WDSUB1: variants seen among roughly 807,000 people sequenced by gnomAD.
WDSUB1 encodes WD repeat, SAM and U-box domain-containing protein 1.
In WDSUB1, 49 loss-of-function variants were observed where a neutral mutation model predicts 53.9. That is an observed-to-expected ratio of 0.91 (90% CI 0.72 to 1.15). The LOEUF (loss-of-function observed/expected upper bound fraction) is 1.15. Ranked by LOEUF, WDSUB1 falls within the 50% of genes most tolerant of loss-of-function variation. The probability of loss-of-function intolerance (pLI) is 0.00; values close to 1 mark genes in which losing one functional copy is unlikely to be tolerated. For synonymous variants in WDSUB1, 194 were observed against 200.6 expected (o/e 0.97, Z 0.28); for missense variants, 514 against 562.0 (o/e 0.91, Z 0.86).
At chr2:159,236,543 T>C (rs1343866343) in intron 10 of WDSUB1, among the ~76,000 whole-genome samples, 4 of 152,172 alleles carry the variant, frequency 2.6e-5, no homozygotes, top group Non-Finnish European at 1.5e-5. Flanking sequence ...TGTTGGAAAG[T>C]TTGGCTGAAT....
intron 5 of WDSUB1, among the ~76,000 whole-genome samples, chr2:159,266,021 CTATT>C (rs1292823886): frequency 1.3e-5 from 2 of 152,294 alleles, no homozygotes; most frequent in African/African-American, 4.8e-5. Flanking sequence ...ACTCTTTTCA[CTATT>C]TATTTTTTCC....
At chr2:159,256,966 C>A (rs141839163) in intron 8 of WDSUB1, among the ~76,000 whole-genome samples, 1 of 152,264 alleles carries the variant, frequency 6.6e-6, no homozygotes, top group Non-Finnish European at 1.5e-5. Context: ...AGCTTTAACA[C>A]AGCCCAGCCA....
At chr2:159,274,370 C>A (rs937168631) in intron 4 of WDSUB1, among the ~76,000 whole-genome samples, 1 of 151,952 alleles carries the variant, frequency 6.6e-6, no homozygotes, top group Admixed American at 6.6e-5. Flanking sequence ...CAGGGCAAGA[C>A]CTGAGAGAGG....
chr2:159,263,834 C>T (rs2061278139), intron 5 of WDSUB1, among the ~76,000 whole-genome samples: 1 of 152,084 alleles, frequency 6.6e-6, no homozygotes, highest in Admixed American at 6.6e-5. Flanking sequence ...TAAATTATAT[C>T]TATTATTTTA....
chr2:159,276,009 G>A (rs2061533196), intron 3 of WDSUB1, among the ~76,000 whole-genome samples: 1 of 152,062 alleles, frequency 6.6e-6, no homozygotes, highest in Admixed American at 6.6e-5. Context: ...TACTTTGAGA[G>A]TGTTAAATGT....
At chr2:159,259,724 T>C in intron 6 of WDSUB1, 86 bp downstream of exon 6, 1 of 1,343,144 alleles carries the variant, frequency 7.4e-7, no homozygotes, top group Non-Finnish European at 1.0e-6. Flanking sequence ...AAAAAATATA[T>C]ACTTTTTCTA....
intron 6 of WDSUB1, 137 bp downstream of exon 6, chr2:159,259,673 G>A: frequency 1.1e-6 from 1 of 947,658 alleles, no homozygotes; most frequent in Non-Finnish European, 1.5e-6. Flanking sequence ...AACTATTTTA[G>A]CATTTGTGAA....
chr2:159,259,537 G>A (rs1342279371), intron 6 of WDSUB1, among the ~76,000 whole-genome samples: 1 of 152,308 alleles, frequency 6.6e-6, no homozygotes, highest in East Asian at 1.9e-4. Context: ...TTGATTGTAT[G>A]TGATGTTTTG....
intron 8 of WDSUB1, 44 bp downstream of exon 8, chr2:159,257,714 G>C (rs994480297): frequency 6.5e-7 from 1 of 1,536,732 alleles, no homozygotes; most frequent in African/African-American, 1.4e-5. Flanking sequence ...TGACCCTAAT[G>C]GTGAGTGGGG....
intron 5 of WDSUB1, among the ~76,000 whole-genome samples, chr2:159,266,536 A>G (rs6733191): frequency 0.029 from 4,436 of 152,294 alleles, 202 homozygotes; most frequent in African/African-American, 0.094. Context: ...ACCAAAAAGT[A>G]TAAGAACCAC....
At chr2:159,264,285 G>A (rs915289036) in intron 5 of WDSUB1, among the ~76,000 whole-genome samples, 2 of 152,184 alleles carry the variant, frequency 1.3e-5, no homozygotes, top group Admixed American at 6.5e-5. Flanking sequence ...ATGGCAACGT[G>A]TCCTTTTCAG....
Position 159,251,107 on chromosome 2 carries a change from A to T in WDSUB1, c.1133-2595T>A, listed in dbSNP as rs141172685. On this transcript the variant is annotated intron_variant, in intron 9 of 10. Coordinates refer to ENST00000359774, the MANE Select transcript of WDSUB1 (RefSeq NM_001128212.3). ...GCAAGACTCTTTCTCTACAAAAAAA[A>T]TTTTAAAAATTAGCTGGGCATGGTG... Among the ~76,000 whole-genome samples the T allele has an allele frequency of 2.3e-3, 340 of 148,546 alleles. 3 individuals are homozygous for T. Among genetic ancestry groups the T allele is most frequent in the African/African-American group, 7.9e-3 (324 of 41,262 alleles).
At position 159,282,952 on chromosome 2, in the gene WDSUB1, G is replaced by T. The variant is rs766094209; in HGVS notation, c.118C>A (p.Arg40Ser). 1.3e-5 allele frequency: 21 copies of T among 1,614,078 alleles called. 1 individual carries two copies. In the Admixed American group the frequency reaches 2.3e-4, roughly 18 times the overall value. ...GAATGTGGCAGTTCAGTAAAGTCAC[G>T]TAACGAGTACAGGCGAATTGTTTTG... ...LDKTIRLYSL[R>S]DFTELPHSPL... Residue 40 changes from arginine to serine, a missense_variant, in exon 2 of 11, where the codon CGT (arginine) becomes AGT (serine). Physicochemically the swap from Arg to Ser is moderately radical, Grantham distance 110 (BLOSUM62 -1). Coordinates refer to ENST00000359774, the MANE Select transcript of WDSUB1 (RefSeq NM_001128212.3).
At chr2:159,271,259 GAATT>G (rs1336855395) in intron 5 of WDSUB1, among the ~76,000 whole-genome samples, 1 of 152,114 alleles carries the variant, frequency 6.6e-6, no homozygotes, top group Non-Finnish European at 1.5e-5. Context: ...TATATTCATA[GAATT>G]ATTATTGTAA....
chr2:159,266,936 G>C (rs2061358446), intron 5 of WDSUB1, among the ~76,000 whole-genome samples: 1 of 151,986 alleles, frequency 6.6e-6, no homozygotes, highest in Non-Finnish European at 1.5e-5. Context: ...ACCATGCTTG[G>C]GTAACTTTTT....
chr2:159,262,514 C>T (rs955429077), intron 5 of WDSUB1, among the ~76,000 whole-genome samples: 1 of 125,254 alleles, frequency 8.0e-6, no homozygotes, highest in African/African-American at 2.6e-5. Flanking sequence ...CCACTGAATC[C>T]ATGGAAAAAA....
chr2:159,238,696 C>G (rs1177290091), intron 10 of WDSUB1, among the ~76,000 whole-genome samples: 1 of 152,190 alleles, frequency 6.6e-6, no homozygotes, highest in Non-Finnish European at 1.5e-5. Flanking sequence ...ACTACACATT[C>G]ACTTATGGAG....
rs1375183942 is a variant in WDSUB1, at chr2:159,243,892, T to C, written c.1273+4480A>G. Among the ~76,000 whole-genome samples the C allele has an allele frequency of 2.0e-5, 3 of 152,328 alleles. No individual in the cohort carries two copies. In the East Asian group the frequency reaches 5.8e-4, roughly 29 times the overall value. On this transcript the variant is annotated intron_variant, in intron 10 of 10. Transcript: ENST00000359774. ...ATTATATGCACACAATGGACTTCTATACAGAAATGAAAATTAAACTGCTTT... is the reference window on the plus strand; with the variant it reads ...ATTATATGCACACAATGGACTTCTACACAGAAATGAAAATTAAACTGCTTT...
chr2:159,252,940 C>A (rs2060981541), intron 9 of WDSUB1, among the ~76,000 whole-genome samples: 1 of 152,170 alleles, frequency 6.6e-6, no homozygotes, highest in African/African-American at 2.4e-5. Context: ...TAAATACCAA[C>A]ATGATATACA....
Sources: gnomAD v4.1 joint callset for allele counts (sites outside exome capture counted in the v4.1 genomes callset) on GRCh38, gnomAD v4.1.1 for gene constraint, MANE v1.5 for transcripts, NCBI Gene and HGNC (gene_info 2026-07-23, HGNC 2026-07-21) for gene names.